The following PRTFDC1 variants were observed in gnomAD, a reference collection of about 807,000 sequenced individuals.
PRTFDC1 encodes the protein phosphoribosyltransferase domain-containing protein 1.
Under a neutral mutation model 34.6 loss-of-function variants are expected in PRTFDC1, and 38 were observed. The ratio of observed to expected loss-of-function variants is 1.10; its 90% CI spans 0.85 to 1.44. The LOEUF (loss-of-function observed/expected upper bound fraction) is 1.44, where lower values mean the gene tolerates loss of function less well. Ranked by LOEUF, PRTFDC1 falls within the 40% of genes most tolerant of loss-of-function variation. The pLI, the probability that PRTFDC1 is intolerant of heterozygous loss-of-function variation, is 0.00. For synonymous variants in PRTFDC1, 93 were observed against 98.1 expected (o/e 0.95, Z 0.31); for missense variants, 270 against 283.0 (o/e 0.95, Z 0.33).
chr10:24,908,231 T>C (rs1193682898), intron 3 of PRTFDC1: 1 of 368,570 alleles, frequency 2.7e-6, no homozygotes, highest in Non-Finnish European at 4.9e-6. Flanking sequence ...TTTGTTGCGT[T>C]GCGTTGCGTT....
At chr10:24,861,133 T>C (rs1847673531) in intron 4 of PRTFDC1, among the ~76,000 whole-genome samples, 1 of 152,180 alleles carries the variant, frequency 6.6e-6, no homozygotes, top group South Asian at 2.1e-4. Context: ...TATACTGATA[T>C]TGAGAGATAT....
intron 4 of PRTFDC1, among the ~76,000 whole-genome samples, chr10:24,870,433 A>T (rs1364608848): frequency 6.6e-6 from 1 of 152,186 alleles, no homozygotes; most frequent in Non-Finnish European, 1.5e-5. Flanking sequence ...TCTTCTTGGC[A>T]TTCATTTGGG....
intron 3 of PRTFDC1, chr10:24,908,696 G>A (rs757198491): frequency 6.3e-7 from 1 of 1,580,534 alleles, no homozygotes; most frequent in Non-Finnish European, 8.6e-7. Context: ...CTTTGGGAGA[G>A]ACACACATGG....
intron 3 of PRTFDC1, among the ~76,000 whole-genome samples, chr10:24,876,221 A>T (rs1461560599): frequency 6.6e-6 from 1 of 151,712 alleles, no homozygotes; most frequent in Non-Finnish European, 1.5e-5. Context: ...TTTCTACCAA[A>T]ACAAAACAAA....
At chr10:24,930,990 A>G (rs1180338394) in intron 3 of PRTFDC1, among the ~76,000 whole-genome samples, 1 of 152,186 alleles carries the variant, frequency 6.6e-6, no homozygotes, top group Non-Finnish European at 1.5e-5. Context: ...TTTCCGCAAT[A>G]TAAAATATAT....
intron 1 of PRTFDC1, among the ~76,000 whole-genome samples, chr10:24,950,267 A>G (rs1849319064): frequency 1.3e-5 from 2 of 152,074 alleles, no homozygotes; most frequent in Admixed American, 1.3e-4. Flanking sequence ...CTTATCCAAA[A>G]TGCTTGGGAT....
intron 4 of PRTFDC1, 111 bp downstream of exon 4, chr10:24,871,887 A>G: frequency 1.1e-6 from 1 of 869,976 alleles, no homozygotes; most frequent in South Asian, 1.8e-5. Context: ...ATTTGTATGA[A>G]TTGGAAAACC....
intron 3 of PRTFDC1, among the ~76,000 whole-genome samples, chr10:24,931,101 G>A (rs1392563821): frequency 1.3e-5 from 2 of 152,080 alleles, no homozygotes; most frequent in Non-Finnish European, 2.9e-5. Context: ...CAGGAATTAT[G>A]TATGGAAAAT....
intron 4 of PRTFDC1, among the ~76,000 whole-genome samples, chr10:24,860,191 C>A (rs184320054): frequency 2.0e-3 from 309 of 152,120 alleles, no homozygotes; most frequent in African/African-American, 7.3e-3. Flanking sequence ...ACCAGCCTGG[C>A]CAATTTGGTG....
chr10:24,872,534 T>C (rs1433329314), intron 3 of PRTFDC1, among the ~76,000 whole-genome samples: 1 of 151,866 alleles, frequency 6.6e-6, no homozygotes, highest in Non-Finnish European at 1.5e-5. Context: ...TCCCCGCCAT[T>C]GGAGATCCAG....
chr10:24,892,900 C>T (rs1233387986), intron 3 of PRTFDC1, among the ~76,000 whole-genome samples: 1 of 152,176 alleles, frequency 6.6e-6, no homozygotes, highest in Non-Finnish European at 1.5e-5. Context: ...AAACCCGCCA[C>T]ATAAAATGTT....
intron 3 of PRTFDC1, among the ~76,000 whole-genome samples, chr10:24,905,937 T>A (rs919166773): frequency 1.3e-5 from 2 of 152,126 alleles, no homozygotes. Context: ...ATCCTTCTAC[T>A]CTCTATCTCC....
At chr10:24,899,581 C>G (rs901753261) in intron 3 of PRTFDC1, among the ~76,000 whole-genome samples, 3 of 152,136 alleles carry the variant, frequency 2.0e-5, no homozygotes, top group Non-Finnish European at 4.4e-5. Flanking sequence ...ATATGGAAAT[C>G]AAGCAGAGCA....
At chr10:24,930,125 T>G (rs765527705) in intron 3 of PRTFDC1, among the ~76,000 whole-genome samples, 2 of 152,114 alleles carry the variant, frequency 1.3e-5, no homozygotes, top group Admixed American at 1.3e-4. Context: ...TGCTGAATTA[T>G]GCCTGTTTCT....
intron 3 of PRTFDC1, among the ~76,000 whole-genome samples, chr10:24,890,635 A>G (rs1009924967): frequency 6.6e-5 from 10 of 152,224 alleles, no homozygotes; most frequent in Admixed American, 6.5e-4. Flanking sequence ...GGAAGAGGGA[A>G]CAGGAGGGAG....
chr10:24,856,806 C>T (rs928351600), intron 6 of PRTFDC1, 107 bp downstream of exon 6: 3 of 1,028,066 alleles, frequency 2.9e-6, no homozygotes, highest in Non-Finnish European at 4.6e-6. Context: ...GAAAAGGTCA[C>T]TAGTTTGGAA....
chr10:24,857,514 G>A (rs1847600864), intron 5 of PRTFDC1, among the ~76,000 whole-genome samples: 1 of 152,210 alleles, frequency 6.6e-6, no homozygotes, highest in Non-Finnish European at 1.5e-5. Context: ...GCTGCAGTGA[G>A]CTCGGGCTCA....
intron 3 of PRTFDC1, among the ~76,000 whole-genome samples, chr10:24,910,733 T>C (rs1220678734): frequency 6.6e-6 from 1 of 152,184 alleles, no homozygotes; most frequent in African/African-American, 2.4e-5. Flanking sequence ...AAAGCTGAAC[T>C]TGAGGCAATT....
At chr10:24,931,016 A>G (rs1466319274) in intron 3 of PRTFDC1, among the ~76,000 whole-genome samples, 1 of 152,196 alleles carries the variant, frequency 6.6e-6, no homozygotes, top group African/African-American at 2.4e-5. Flanking sequence ...GCCATAGAAC[A>G]AGCCTCAAAA....
Sources: gnomAD v4.1 joint callset for allele counts (sites outside exome capture counted in the v4.1 genomes callset) on GRCh38, gnomAD v4.1.1 for gene constraint, MANE v1.5 for transcripts, NCBI Gene and HGNC (gene_info 2026-07-23, HGNC 2026-07-21) for gene names.